AGAP1: variants seen among roughly 807,000 people sequenced by gnomAD.
The protein encoded by AGAP1 is arf-GAP with GTPase, ANK repeat and PH domain-containing protein 1.
In AGAP1, 29 loss-of-function variants were observed where a neutral mutation model predicts 105.3. The observed-to-expected ratio is 0.28, with a 90% CI of 0.21 to 0.38. The LOEUF (loss-of-function observed/expected upper bound fraction) is 0.38. Ranked by LOEUF, AGAP1 falls within the 10% of genes least tolerant of loss-of-function variation. AGAP1 has a pLI of 1.00. For missense variants in AGAP1, 998 were observed against 1,165.1 expected (o/e 0.86, Z 2.09); for synonymous variants, 509 against 485.9 (o/e 1.05, Z -0.63).
chr2:235,974,059 G>A (rs909205981), intron 13 of AGAP1, among the ~76,000 whole-genome samples: 1 of 152,178 alleles, frequency 6.6e-6, no homozygotes, highest in Non-Finnish European at 1.5e-5. Flanking sequence ...CTGTGGCCCC[G>A]AACCTGGTGG....
Position 235,799,286 on chromosome 2 carries a change from G to T in AGAP1, c.802-81G>T. Reference sequence around the variant, plus strand: ...CCTTCCATGGGGCTCATGCTCACTTGTTGGTTATGACCTTGCCTAAGTGGA... The same window carrying T: ...CCTTCCATGGGGCTCATGCTCACTTTTTGGTTATGACCTTGCCTAAGTGGA... On this transcript the variant is annotated intron_variant, in intron 7 of 17. Transcript: ENST00000304032. The surrounding 1 kb of genome is among the most constrained non-coding windows in gnomAD (Gnocchi z 5.0). 7.3e-6 allele frequency: 11 copies of T among 1,511,418 alleles called. No individual in the cohort carries two copies. In the Admixed American group the frequency reaches 2.0e-4, roughly 28 times the overall value. 93.6% of individuals were successfully genotyped at this position (1,511,418 alleles called of 1,614,324 possible).
rs1038612257 is a variant in AGAP1 at position 236,104,529 on chromosome 2, A to C, written c.2115-15663A>C. On this transcript the variant is annotated intron_variant, in intron 16 of 17. Coordinates refer to ENST00000304032, the MANE Select transcript of AGAP1 (RefSeq NM_001037131.3). This position sits in a 1 kb window ranked among gnomAD's most constrained non-coding sequence, Gnocchi z 4.7. Reference sequence around the variant, plus strand: ...GCACAGGGCTGTGAGGGTCAGGACCACCATCAGAATCCCTTACAAAGCCAC... The same window carrying C: ...GCACAGGGCTGTGAGGGTCAGGACCCCCATCAGAATCCCTTACAAAGCCAC... 6.6e-6 allele frequency among the ~76,000 whole-genome samples: 1 copy of C among 152,234 alleles called. No individual in the cohort carries two copies. The highest frequency in any genetic ancestry group is 2.4e-5 in the African/African-American group (1 of 41,468).
intron 12 of AGAP1, among the ~76,000 whole-genome samples, chr2:235,944,104 G>A (rs1189106279): frequency 6.6e-6 from 1 of 152,148 alleles, no homozygotes; most frequent in African/African-American, 2.4e-5. Flanking sequence ...TATTTCTGCA[G>A]CGGGATTTTT....
chr2:235,547,447 C>T, intron 1 of AGAP1, among the ~76,000 whole-genome samples: 1 of 151,554 alleles, frequency 6.6e-6, no homozygotes, highest in East Asian at 1.9e-4. Flanking sequence ...CAACCTCTGC[C>T]TCCCGGGTTC....
intron 16 of AGAP1, among the ~76,000 whole-genome samples, chr2:236,118,289 A>ATTTTGG (rs2059818630): frequency 6.6e-6 from 1 of 151,570 alleles, no homozygotes. Flanking sequence ...AGAAACCTGA[A>ATTTTGG]TTTTGGAGAG....
chr2:235,587,027 G>T (rs1945134670), intron 1 of AGAP1, among the ~76,000 whole-genome samples: 1 of 152,204 alleles, frequency 6.6e-6, no homozygotes, highest in Non-Finnish European at 1.5e-5. Context: ...GTTAATTCTA[G>T]TGCAGTTTAA....
chr2:235,979,594 C>G lies in AGAP1; in HGVS notation c.1645+10971C>G, dbSNP rs184523908. Reference sequence around the variant, plus strand: ...CCAAGGTGTGGAGCCAGTGAAAGAACAGGCGCAGCGAACGTTCCGGCAGGC... The same window carrying G: ...CCAAGGTGTGGAGCCAGTGAAAGAAGAGGCGCAGCGAACGTTCCGGCAGGC... On this transcript the variant is annotated intron_variant, in intron 13 of 17. Coordinates refer to ENST00000304032, the MANE Select transcript of AGAP1 (RefSeq NM_001037131.3). The surrounding 1 kb of genome is among the most constrained non-coding windows in gnomAD (Gnocchi z 4.5). Among the ~76,000 whole-genome samples, 443 of 152,308 alleles carry G rather than the reference C, an allele frequency of 2.9e-3. 1 individual carries two copies. The highest frequency in any genetic ancestry group is 4.8e-3 in the Non-Finnish European group (329 of 68,032).
At position 235,635,358 on chromosome 2, in the gene AGAP1, T is replaced by TC. The variant is rs1946961952; in HGVS notation, c.164-73819dup. Among the ~76,000 whole-genome samples, 1 of 152,192 alleles carries TC rather than the reference T, an allele frequency of 6.6e-6. No individual in the cohort carries two copies. Among genetic ancestry groups the TC allele is most frequent in the Non-Finnish European group, 1.5e-5 (1 of 68,048 alleles). On this transcript the variant is annotated intron_variant, in intron 1 of 17. Coordinates refer to ENST00000304032, the MANE Select transcript of AGAP1 (RefSeq NM_001037131.3). This position sits in a 1 kb window ranked among gnomAD's most constrained non-coding sequence, Gnocchi z 5.3. Reference sequence around the variant, plus strand: ...TCTCCTTGTACAAGCAGGACATTTCTCCGTTTCTCCTTTTCTCTGCCCGTA... The same window carrying TC: ...TCTCCTTGTACAAGCAGGACATTTCTCCCGTTTCTCCTTTTCTCTGCCCGTA...
intron 1 of AGAP1, among the ~76,000 whole-genome samples, chr2:235,683,759 T>C (rs921633317): frequency 6.6e-6 from 1 of 151,932 alleles, no homozygotes; most frequent in Non-Finnish European, 1.5e-5. Flanking sequence ...GTAGGTTTGT[T>C]ACATAGGTAT....
In AGAP1 at chr2:235,690,547, T is replaced by G. The variant is rs1949689733; in HGVS notation, c.164-18632T>G. ...GAGGAGGCTGGCCAACTCAGACACC[T>G]AAGCAGCCACATCAGACCCAGAGTC... On this transcript the variant is annotated intron_variant, in intron 1 of 17. Coordinates refer to ENST00000304032, the MANE Select transcript of AGAP1 (RefSeq NM_001037131.3). This position sits in a 1 kb window ranked among gnomAD's most constrained non-coding sequence, Gnocchi z 4.1. Among the ~76,000 whole-genome samples the G allele has an allele frequency of 6.6e-6, 1 of 152,172 alleles. No homozygotes were observed. The highest frequency in any genetic ancestry group is 2.1e-4 in the South Asian group (1 of 4,828).
At chr2:236,028,160 C>T (rs575249623) in intron 13 of AGAP1, among the ~76,000 whole-genome samples, 1 of 152,264 alleles carries the variant, frequency 6.6e-6, no homozygotes, top group East Asian at 1.9e-4. Flanking sequence ...ATGCCTTTAC[C>T]TGAAGCTGGT....
Position 235,855,864 on chromosome 2 carries a change from A to G in AGAP1, c.1051-27481A>G, listed in dbSNP as rs1034336884. 2.6e-5 allele frequency among the ~76,000 whole-genome samples: 4 copies of G among 152,144 alleles called. No individual in the cohort carries two copies. The highest frequency in any genetic ancestry group is 7.2e-5 in the African/African-American group (3 of 41,428). ...GATGCACGGAGGCTACTGCATTCCC[A>G]GGGGGTCAGCCTTGTCTCAGAAGTA... On this transcript the variant is annotated intron_variant, in intron 9 of 17. Transcript: ENST00000304032. The surrounding 1 kb of genome is among the most constrained non-coding windows in gnomAD (Gnocchi z 5.0).
intron 6 of AGAP1, among the ~76,000 whole-genome samples, chr2:235,768,433 A>G (rs1955153143): frequency 6.6e-6 from 1 of 152,244 alleles, no homozygotes; most frequent in Admixed American, 6.5e-5. Flanking sequence ...CTTTCAGTAT[A>G]TAGAGTAGTG....
At chr2:235,645,055 C>T (rs1232259945) in intron 1 of AGAP1, among the ~76,000 whole-genome samples, 2 of 152,062 alleles carry the variant, frequency 1.3e-5, no homozygotes, top group African/African-American at 4.8e-5. Context: ...GCCACCATGC[C>T]CGGCTAATTT....
chr2:235,859,645 T>C (rs1393695693), intron 9 of AGAP1, among the ~76,000 whole-genome samples: 1 of 152,028 alleles, frequency 6.6e-6, no homozygotes, highest in Non-Finnish European at 1.5e-5. Context: ...GACTCGCATT[T>C]GTCCGGAAGG....
chr2:235,749,333 A>G (rs1489213610), intron 5 of AGAP1, among the ~76,000 whole-genome samples: 1 of 151,864 alleles, frequency 6.6e-6, no homozygotes, highest in Non-Finnish European at 1.5e-5. Flanking sequence ...ATAGTAATGG[A>G]ATGGATGGGG....
intron 6 of AGAP1, chr2:235,774,420 C>T (rs1559469747): frequency 6.4e-6 from 3 of 468,946 alleles, no homozygotes; most frequent in Non-Finnish European, 1.3e-5. Context: ...ACTTCCCTTC[C>T]ATCACGGCAG....
intron 1 of AGAP1, among the ~76,000 whole-genome samples, chr2:235,688,211 C>T (rs1457724307): frequency 2.0e-5 from 3 of 152,130 alleles, no homozygotes; most frequent in Admixed American, 6.6e-5. Flanking sequence ...CAGCCTTGCC[C>T]TCGGATCTTG....
rs933645222 is a variant in AGAP1, at chr2:235,747,205, C to G, written c.538+2366C>G. ...CTGGAGGCAGCGTATCCCTCTGAGT[C>G]TCCTGCCTGAGCCAAGGGGCACATC... On this transcript the variant is annotated intron_variant, in intron 5 of 17. Coordinates refer to ENST00000304032, the MANE Select transcript of AGAP1 (RefSeq NM_001037131.3). This position sits in a 1 kb window ranked among gnomAD's most constrained non-coding sequence, Gnocchi z 5.0. Among the ~76,000 whole-genome samples the G allele has an allele frequency of 6.6e-6, 1 of 152,134 alleles. No individual in the cohort carries two copies. The highest frequency in any genetic ancestry group is 1.5e-5 in the Non-Finnish European group (1 of 68,024).
Sources: gnomAD v4.1 joint callset for allele counts (sites outside exome capture counted in the v4.1 genomes callset) on GRCh38, gnomAD v4.1.1 for gene constraint, Gnocchi (gnomAD v3.1) non-coding constraint, MANE v1.5 for transcripts, NCBI Gene and HGNC (gene_info 2026-07-23, HGNC 2026-07-21) for gene names.